CTIF: variants seen among roughly 807,000 people sequenced by gnomAD.
The protein encoded by CTIF is cap binding complex dependent translation initiation factor, also known as CBP80/20-dependent translation initiation factor.
A neutral mutation model predicts 66.0 loss-of-function variants in CTIF; 21 were observed. That is an observed-to-expected ratio of 0.32 (90% confidence interval 0.23 to 0.46). The LOEUF (loss-of-function observed/expected upper bound fraction) is 0.46, where lower values mean the gene tolerates loss of function less well. Among genes scored for constraint, CTIF ranks in the 20% least tolerant of loss-of-function variants. The probability of loss-of-function intolerance (pLI) is 1.00; values close to 1 mark genes in which losing one functional copy is unlikely to be tolerated. For synonymous variants in CTIF, 345 were observed against 326.4 expected (o/e 1.06, Z -0.62); for missense variants, 739 against 812.7 (o/e 0.91, Z 1.10).
At chr18:48,618,197 GT>G (rs752087827) in intron 1 of CTIF, among the ~76,000 whole-genome samples, 8 of 152,240 alleles carry the variant, frequency 5.3e-5, no homozygotes, top group Non-Finnish European at 1.0e-4. Flanking sequence ...GCAAATAACT[GT>G]GTTCCAAAGA....
chr18:48,640,395 T>C (rs1164536177), intron 3 of CTIF, among the ~76,000 whole-genome samples: 2 of 152,222 alleles, frequency 1.3e-5, no homozygotes, highest in South Asian at 4.1e-4. Context: ...AGGCACTCAA[T>C]AGTGATGCCT....
At chr18:48,745,021 A>C (rs2092584776) in intron 7 of CTIF, among the ~76,000 whole-genome samples, 1 of 151,982 alleles carries the variant, frequency 6.6e-6, no homozygotes, top group South Asian at 2.1e-4. Context: ...ACAGGGTTTC[A>C]CCGTGTTAGC....
intron 6 of CTIF, 57 bp from the exon 7 acceptor site, chr18:48,711,562 T>A: frequency 7.3e-7 from 1 of 1,378,018 alleles, no homozygotes; most frequent in Non-Finnish European, 1.0e-6. Flanking sequence ...GTCCCAGAGG[T>A]GCTTTGCTCT....
At chr18:48,678,950 A>G (rs1316218159) in intron 6 of CTIF, among the ~76,000 whole-genome samples, 2 of 152,098 alleles carry the variant, frequency 1.3e-5, no homozygotes, top group Non-Finnish European at 2.9e-5. Flanking sequence ...ACGCAGCCAC[A>G]CCCATTCACT....
chr18:48,772,506 T>TAAC (rs1177872450), intron 9 of CTIF, among the ~76,000 whole-genome samples: 2 of 151,918 alleles, frequency 1.3e-5, no homozygotes, highest in Non-Finnish European at 2.9e-5. Context: ...CCTACAGCAA[T>TAAC]AACTCCCCTA....
rs2091387700 is a variant in CTIF at position 48,663,790 on chromosome 18, G to A, written c.291G>A (p.Thr97=). ...SKDNSLDMLG[T]DIWAANTFDS... is the part of the protein sequence containing the mutation. ...ACAACTCTCTGGACATGCTGGGCACGGACATCTGGGCGGCCAACACCTTCG... is the reference window on the plus strand; with the variant it reads ...ACAACTCTCTGGACATGCTGGGCACAGACATCTGGGCGGCCAACACCTTCG... The change falls in exon 4 of 12, where the codon ACG becomes ACA. Residue 97 remains threonine, a synonymous_variant. Transcript: ENST00000256413. The A allele has an allele frequency of 1.2e-6, 2 of 1,614,012 alleles. No individual in the cohort carries two copies. Among genetic ancestry groups the A allele is most frequent in the Non-Finnish European group, 8.5e-7 (1 of 1,180,002 alleles).
chr18:48,771,559 C>G (rs563980407), intron 9 of CTIF, among the ~76,000 whole-genome samples: 1 of 152,234 alleles, frequency 6.6e-6, no homozygotes, highest in East Asian at 1.9e-4. Flanking sequence ...CCTCACCCCC[C>G]ACCCAGGGTT....
intron 6 of CTIF, among the ~76,000 whole-genome samples, chr18:48,690,546 GT>G (rs1414796057): frequency 1.2e-4 from 19 of 152,150 alleles, no homozygotes; most frequent in Non-Finnish European, 2.2e-4. Context: ...TGGACTAGCT[GT>G]GGAGCCCTGA....
rs1222880491 is a variant in CTIF at position 48,670,495 on chromosome 18, CA to C, written c.432-173del. Reference sequence around the variant, plus strand: ...TTGCATTACGGGAGGACCCCCCCCCCACACACACACAGCTTCTCTAGGGCTG... The same window carrying C: ...TTGCATTACGGGAGGACCCCCCCCCCCACACACACAGCTTCTCTAGGGCTG... On this transcript the variant is annotated intron_variant, in intron 5 of 11. Coordinates refer to ENST00000256413, the MANE Select transcript of CTIF (RefSeq NM_014772.3). The C allele has an allele frequency of 1.1e-3, 565 of 516,622 alleles. 1 individual carries two copies. The highest frequency in any genetic ancestry group is 3.3e-3 in the South Asian group (151 of 46,260). The allele number at this position is 516,622 out of a possible 1,614,324, so 32.0% of individuals were successfully genotyped here. A position where few individuals can be genotyped will look rare whatever the true frequency, so the allele number is the denominator to read the frequency against.
chr18:48,674,358 T>G (rs1781475185), intron 6 of CTIF, among the ~76,000 whole-genome samples: 1 of 152,242 alleles, frequency 6.6e-6, no homozygotes, highest in Non-Finnish European at 1.5e-5. Context: ...CTGCAGCTCC[T>G]GCAGTCTGGG....
At chr18:48,598,047 C>T (rs1171100974) in intron 1 of CTIF, among the ~76,000 whole-genome samples, 1 of 152,180 alleles carries the variant, frequency 6.6e-6, no homozygotes, top group Non-Finnish European at 1.5e-5. Flanking sequence ...GGCTGCGGCA[C>T]CCTGAAGCCA....
At chr18:48,656,744 C>T (rs935764097) in intron 3 of CTIF, among the ~76,000 whole-genome samples, 9 of 152,184 alleles carry the variant, frequency 5.9e-5, no homozygotes, top group African/African-American at 1.9e-4. Context: ...TAAGAACAAC[C>T]CACTGAAAAG....
chr18:48,740,992 C>T (rs912226997), intron 7 of CTIF, among the ~76,000 whole-genome samples: 1 of 152,198 alleles, frequency 6.6e-6, no homozygotes, highest in African/African-American at 2.4e-5. Context: ...TTCTTTATGC[C>T]TGTTTCATCA....
chr18:48,634,821 C>T (rs549773289), intron 2 of CTIF, among the ~76,000 whole-genome samples: 11 of 152,296 alleles, frequency 7.2e-5, no homozygotes, highest in East Asian at 5.8e-4. Flanking sequence ...CCACAGGCCA[C>T]GCATGGCTCT....
intron 1 of CTIF, among the ~76,000 whole-genome samples, chr18:48,578,691 G>A (rs147100788): frequency 9.7e-4 from 147 of 152,244 alleles, no homozygotes; most frequent in African/African-American, 3.2e-3. Context: ...TTTTAGTTTG[G>A]TTATTTGTCT....
intron 8 of CTIF, among the ~76,000 whole-genome samples, 187 bp downstream of exon 8, chr18:48,758,592 G>A (rs536436730): frequency 2.0e-5 from 3 of 152,166 alleles, no homozygotes; most frequent in East Asian, 1.9e-4. Flanking sequence ...AGCAGGTAGG[G>A]CCATCATGAA....
intron 1 of CTIF, among the ~76,000 whole-genome samples, chr18:48,557,672 G>A (rs1302705190): frequency 6.6e-6 from 1 of 152,244 alleles, no homozygotes; most frequent in Non-Finnish European, 1.5e-5. Flanking sequence ...CACAGACTGG[G>A]TGGCTTAAAC....
chr18:48,562,232 T>C (rs189754850), intron 1 of CTIF, among the ~76,000 whole-genome samples: 86 of 152,374 alleles, frequency 5.6e-4, no homozygotes, highest in African/African-American at 2.0e-3. Context: ...TTAATCCTTA[T>C]GAAAACATTA....
rs180907010 is a variant in CTIF, at chr18:48,842,385, G to A, written c.1528-15203G>A. ...GAGTATTATTCCCGTTTCATAGAAC[G>A]CAGGCCTGTGGGTGGGAGTGCTAGA... On this transcript the variant is annotated intron_variant, in intron 10 of 11. Coordinates refer to ENST00000256413, the MANE Select transcript of CTIF (RefSeq NM_014772.3). Among the ~76,000 whole-genome samples the A allele has an allele frequency of 9.2e-5, 14 of 152,280 alleles. No homozygotes were observed. In the East Asian group the frequency reaches 2.5e-3, roughly 27 times the overall value.
Sources: allele counts gnomAD v4.1 joint callset (sites outside exome capture counted in the v4.1 genomes callset), GRCh38; gene constraint gnomAD v4.1.1; transcripts MANE v1.5; gene names NCBI Gene and HGNC (gene_info 2026-07-23, HGNC 2026-07-21).